Variants in ACOT7 observed in about 807,000 individuals in gnomAD.
ACOT7 encodes the protein acyl-CoA thioesterase 7, also known as cytosolic acyl coenzyme A thioester hydrolase.
Under a neutral mutation model 40.2 loss-of-function variants are expected in ACOT7, and 12 were observed. The observed-to-expected ratio is 0.30, with a 90% CI of 0.19 to 0.48. ACOT7 has a LOEUF of 0.48. Ranked by LOEUF, ACOT7 falls within the 20% of genes least tolerant of loss-of-function variation. The pLI is 0.99. For missense variants in ACOT7, 395 were observed against 530.8 expected (o/e 0.74, Z 2.51); for synonymous variants, 228 against 219.5 (o/e 1.04, Z -0.34).
intron 1 of ACOT7, among the ~76,000 whole-genome samples, chr1:6,353,386 C>T (rs1641649734): frequency 6.6e-6 from 1 of 151,972 alleles, no homozygotes; most frequent in Non-Finnish European, 1.5e-5. Flanking sequence ...AATCCCAGCA[C>T]TTACAGAGGC....
At chr1:6,356,028 G>A (rs781192880) in intron 1 of ACOT7, among the ~76,000 whole-genome samples, 10 of 152,216 alleles carry the variant, frequency 6.6e-5, no homozygotes, top group Non-Finnish European at 1.5e-4. Flanking sequence ...GTTTGAGAAC[G>A]AACCCCCAGA....
At chr1:6,337,727 C>T (rs866502589) in intron 3 of ACOT7, among the ~76,000 whole-genome samples, 27 of 152,278 alleles carry the variant, frequency 1.8e-4, no homozygotes, top group Middle Eastern at 3.4e-3. Context: ...GTAATCCCAG[C>T]ACTTTGGGAG....
chr1:6,353,332 A>AAT (rs1373463236), intron 1 of ACOT7, among the ~76,000 whole-genome samples: 1 of 151,622 alleles, frequency 6.6e-6, no homozygotes, highest in African/African-American at 2.4e-5. Context: ...AGAAAAAAAA[A>AAT]ATTGAAATAT....
intron 8 of ACOT7, among the ~76,000 whole-genome samples, chr1:6,267,461 A>ATGCCTGCCTGCCTGCC (rs112611465): frequency 6.6e-6 from 1 of 151,912 alleles, no homozygotes; most frequent in Non-Finnish European, 1.5e-5. Flanking sequence ...AGGTCAGGAG[A>ATGCCTGCCTGCCTGCC]TGCCTGCCTG....
intron 2 of ACOT7, among the ~76,000 whole-genome samples, chr1:6,345,921 G>A (rs530300767): frequency 1.3e-5 from 2 of 152,308 alleles, no homozygotes; most frequent in South Asian, 2.1e-4. Flanking sequence ...TGCCAGGCCC[G>A]AGCTCCCAGC....
intron 7 of ACOT7, among the ~76,000 whole-genome samples, chr1:6,284,129 A>G (rs1037458894): frequency 3.9e-5 from 6 of 152,196 alleles, no homozygotes; most frequent in African/African-American, 1.2e-4. Context: ...GGTTTAGGGT[A>G]TCCCATCTCC....
intron 2 of ACOT7, among the ~76,000 whole-genome samples, chr1:6,348,346 A>G (rs1285381215): frequency 6.6e-6 from 1 of 151,924 alleles, no homozygotes; most frequent in African/African-American, 2.4e-5. Context: ...ACACACACAC[A>G]CACACGCACA....
chr1:6,358,341 T>C lies in ACOT7; in HGVS notation c.144-8475A>G, dbSNP rs1641805776. On this transcript the variant is annotated intron_variant, in intron 1 of 8. Coordinates refer to ENST00000361521, the MANE Select transcript of ACOT7 (RefSeq NM_007274.4). This position sits in a 1 kb window ranked among gnomAD's most constrained non-coding sequence, Gnocchi z 4.1. Reference sequence around the variant, plus strand: ...GCAGGACGGGGGAAGAGGCCAACAATGGCCCTGAGCTCCCAGCCTCCATTT... The same window carrying C: ...GCAGGACGGGGGAAGAGGCCAACAACGGCCCTGAGCTCCCAGCCTCCATTT... Among the ~76,000 whole-genome samples, 1 of 151,960 alleles carries C rather than the reference T, an allele frequency of 6.6e-6. No homozygotes were observed.
intron 1 of ACOT7, among the ~76,000 whole-genome samples, chr1:6,377,494 T>C (rs1378482679): frequency 1.3e-5 from 2 of 152,186 alleles, no homozygotes; most frequent in African/African-American, 4.8e-5. Context: ...AGAATCTTAA[T>C]AGGTGTCAGA....
intron 1 of ACOT7, chr1:6,360,545 T>C (rs745749296): frequency 5.0e-6 from 8 of 1,613,840 alleles, no homozygotes; most frequent in Admixed American, 1.7e-5. Flanking sequence ...AAATAGCCCA[T>C]AGTTCCTCTC....
At chr1:6,346,184 T>C (rs1284370941) in intron 2 of ACOT7, among the ~76,000 whole-genome samples, 1 of 152,204 alleles carries the variant, frequency 6.6e-6, no homozygotes, top group Non-Finnish European at 1.5e-5. Flanking sequence ...CACTGCAGCC[T>C]CAACCTTCCT....
At position 6,274,061 on chromosome 1, in the gene ACOT7, G is replaced by A. The variant is rs1263332778; in HGVS notation, c.1014+7041C>T. 1.3e-5 allele frequency among the ~76,000 whole-genome samples: 2 copies of A among 152,174 alleles called. No homozygotes were observed. Among genetic ancestry groups the A allele is most frequent in the East Asian group, 1.9e-4 (1 of 5,200 alleles). Reference sequence around the variant, plus strand: ...CTCCTGAGGCTTCTTCGAGAGGAACGGGGCCCATGCGAGGACCCCAGGCCC... The same window carrying A: ...CTCCTGAGGCTTCTTCGAGAGGAACAGGGCCCATGCGAGGACCCCAGGCCC... On this transcript the variant is annotated intron_variant, in intron 8 of 8. Transcript: ENST00000361521. The surrounding 1 kb of genome is among the most constrained non-coding windows in gnomAD (Gnocchi z 5.9).
At chr1:6,354,572 A>T (rs1344300298) in intron 1 of ACOT7, among the ~76,000 whole-genome samples, 1 of 152,062 alleles carries the variant, frequency 6.6e-6, no homozygotes. Flanking sequence ...GGAACCACAC[A>T]ATCAGACACT....
At chr1:6,272,008 T>G (rs1571257461) in intron 8 of ACOT7, among the ~76,000 whole-genome samples, 2 of 152,384 alleles carry the variant, frequency 1.3e-5, no homozygotes, top group South Asian at 2.1e-4. Flanking sequence ...TCACAGCTCT[T>G]GTGCCGGAGT....
intron 8 of ACOT7, among the ~76,000 whole-genome samples, chr1:6,265,192 GCA>G (rs1293030324): frequency 2.0e-5 from 3 of 152,172 alleles, no homozygotes; most frequent in Non-Finnish European, 4.4e-5. Context: ...CAGGAAAGCT[GCA>G]CACAGTCACC....
In ACOT7 at chr1:6,358,834, C is replaced by T. The variant is rs1641822119; in HGVS notation, c.144-8968G>A. ...CCCATGACTGGCAGTACCTGCTCAG[C>T]TGGAAAGCCATGGTGGCTAGGACAT... is the stretch of plus-strand genomic sequence containing the variant. On this transcript the variant is annotated intron_variant, in intron 1 of 8. Transcript: ENST00000361521. This position sits in a 1 kb window ranked among gnomAD's most constrained non-coding sequence, Gnocchi z 4.1. The T allele has an allele frequency of 1.2e-6, 2 of 1,614,032 alleles. No individual in the cohort carries two copies.
intron 1 of ACOT7, among the ~76,000 whole-genome samples, 157 bp from the exon 2 acceptor site, chr1:6,350,023 G>A (rs1031249902): frequency 1.3e-5 from 2 of 152,192 alleles, no homozygotes; most frequent in African/African-American, 4.8e-5. Context: ...TGGTGTGTTC[G>A]TCAGGGTGGG....
intron 8 of ACOT7, among the ~76,000 whole-genome samples, chr1:6,272,889 C>T (rs1014873165): frequency 2.0e-4 from 30 of 152,240 alleles, no homozygotes; most frequent in Non-Finnish European, 3.7e-4. Flanking sequence ...ATCCCACCCA[C>T]GGGCCTCTCC....
chr1:6,349,047 G>A (rs1257215723), intron 2 of ACOT7, among the ~76,000 whole-genome samples: 1 of 152,188 alleles, frequency 6.6e-6, no homozygotes, highest in East Asian at 1.9e-4. Flanking sequence ...CAGACGCCCT[G>A]TCCTCAGCAC....
Sources: gnomAD v4.1 joint callset for allele counts (sites outside exome capture counted in the v4.1 genomes callset) on GRCh38, gnomAD v4.1.1 for gene constraint, Gnocchi (gnomAD v3.1) non-coding constraint, MANE v1.5 for transcripts, NCBI Gene and HGNC (gene_info 2026-07-23, HGNC 2026-07-21) for gene names.